GOLIM4: variants seen among roughly 807,000 people sequenced by gnomAD.
GOLIM4 encodes 130 kDa golgi-localized phosphoprotein.
A neutral mutation model predicts 107.4 loss-of-function variants in GOLIM4; 71 were observed. That is an observed-to-expected ratio of 0.66 (90% CI 0.55 to 0.81). GOLIM4 has a LOEUF of 0.81. Ranked by LOEUF, GOLIM4 falls within the 30% of genes least tolerant of loss-of-function variation. The pLI is 0.00. For missense variants in GOLIM4, 830 were observed against 826.1 expected (o/e 1.00, Z -0.06); for synonymous variants, 327 against 294.8 (o/e 1.11, Z -1.12).
intron 1 of GOLIM4, among the ~76,000 whole-genome samples, chr3:168,061,448 T>A (rs1560097543): frequency 6.6e-6 from 1 of 152,214 alleles, no homozygotes; most frequent in Non-Finnish European, 1.5e-5. Context: ...CTAAGACCTA[T>A]AAATCCCACT....
intron 1 of GOLIM4, among the ~76,000 whole-genome samples, chr3:168,054,391 C>T (rs777778832): frequency 3.9e-5 from 6 of 152,136 alleles, no homozygotes; most frequent in Non-Finnish European, 8.8e-5. Context: ...TTCCCCTCAG[C>T]CCCTCCTACT....
chr3:168,048,060 T>C (rs926398602), intron 2 of GOLIM4, among the ~76,000 whole-genome samples: 1 of 151,950 alleles, frequency 6.6e-6, no homozygotes. Context: ...AACCAATATA[T>C]GAGCTATCAC....
intron 1 of GOLIM4, among the ~76,000 whole-genome samples, chr3:168,087,359 C>G (rs1356739766): frequency 6.6e-6 from 1 of 152,098 alleles, no homozygotes; most frequent in Non-Finnish European, 1.5e-5. Flanking sequence ...TTTGGAAAAA[C>G]AGAGAAGCAA....
intron 7 of GOLIM4, among the ~76,000 whole-genome samples, chr3:168,039,581 T>C (rs1718862904): frequency 4.6e-5 from 7 of 152,142 alleles, no homozygotes; most frequent in Admixed American, 4.6e-4. Context: ...TTTTTTCTAT[T>C]ATAAAACCCT....
intron 14 of GOLIM4, among the ~76,000 whole-genome samples, chr3:168,022,953 C>T (rs1048043284): frequency 1.3e-5 from 2 of 152,206 alleles, no homozygotes; most frequent in African/African-American, 4.8e-5. Context: ...TCAGCCAGGG[C>T]AACCTCCTCT....
At chr3:168,027,413 A>T (rs1187206014) in intron 12 of GOLIM4, among the ~76,000 whole-genome samples, 1 of 151,778 alleles carries the variant, frequency 6.6e-6, no homozygotes, top group Non-Finnish European at 1.5e-5. Context: ...CAGAGTTACT[A>T]CATATTTCAG....
In GOLIM4 at chr3:168,009,168, T is replaced by C. The variant is rs1716840819; in HGVS notation, c.*1101A>G. ...TTTTCTTATTTTAAGGAATCTATTA[T>C]ATTCACAATGATTAAAATGCCTTAC... On this transcript the variant is annotated 3_prime_UTR_variant, in exon 16 of 16. Coordinates refer to ENST00000470487, the MANE Select transcript of GOLIM4 (RefSeq NM_014498.5). 2 of 152,118 alleles carry C rather than the reference T, an allele frequency of 1.3e-5. No homozygotes were observed. Among genetic ancestry groups the C allele is most frequent in the African/African-American group, 4.8e-5 (2 of 41,560 alleles). The allele number at this position is 152,118 out of a possible 1,614,324, so 9.4% of individuals were successfully genotyped here.
rs1204579949 is a variant in GOLIM4 at position 168,032,520 on chromosome 3, C to T, written c.1176G>A (p.Glu392=). 1 of 1,612,134 alleles carries T rather than the reference C, an allele frequency of 6.2e-7. No homozygotes were observed. Among genetic ancestry groups the T allele is most frequent in the Non-Finnish European group, 8.5e-7 (1 of 1,178,418 alleles). The change falls in exon 9 of 16, where the codon GAG becomes GAA. Residue 392 remains glutamate (E), a splice_region_variant and synonymous_variant. Coordinates refer to ENST00000470487, the MANE Select transcript of GOLIM4 (RefSeq NM_014498.5). The stretch of plus-strand genomic sequence containing the variant: ...ATACCAGAAGCGGGTGACTTCATAC[C>T]TCAGCACGCGCGTGCCCTTCCAGGA... ...ANLLEGHARA[E]VYPSAKPMIK...
In GOLIM4 at chr3:168,010,548, C is replaced by T. The variant is rs544359193; in HGVS notation, c.1942-130G>A. 26 of 759,996 alleles carry T rather than the reference C, an allele frequency of 3.4e-5. No individual in the cohort carries two copies. In the Admixed American group the frequency reaches 5.4e-4, roughly 16 times the overall value. The allele number at this position is 759,996 out of a possible 1,614,324, so 47.1% of individuals were successfully genotyped here. On this transcript the variant is annotated intron_variant, in intron 15 of 15. Transcript: ENST00000470487. The stretch of plus-strand genomic sequence containing the variant: ...AAAAGGAAGAAAAATGATATGTAAG[C>T]AACAGTGCTGCTGTCTCTCCTACTT...
chr3:168,016,659 T>C (rs1227598359), intron 14 of GOLIM4, among the ~76,000 whole-genome samples: 1 of 133,666 alleles, frequency 7.5e-6, no homozygotes, highest in Admixed American at 7.0e-5. Flanking sequence ...CCAACAATGA[T>C]AGACTGGATT....
chr3:168,024,485 C>A (rs1168659240), intron 14 of GOLIM4, 41 bp downstream of exon 14: 2 of 1,325,600 alleles, frequency 1.5e-6, no homozygotes, highest in East Asian at 2.3e-5. Context: ...GTGTGTGTGA[C>A]AGACCAATCT....
intron 1 of GOLIM4, among the ~76,000 whole-genome samples, chr3:168,088,327 AG>A (rs1463735997): frequency 6.6e-6 from 1 of 152,178 alleles, no homozygotes; most frequent in Non-Finnish European, 1.5e-5. Context: ...GATGTAGTAA[AG>A]GCTGGGCAAA....
Position 168,010,320 on chromosome 3 carries a change from T to C in GOLIM4, c.2040A>G (p.Glu680=). The C allele has an allele frequency of 6.2e-7, 1 of 1,613,984 alleles. No homozygotes were observed. Among genetic ancestry groups the C allele is most frequent in the Non-Finnish European group, 8.5e-7 (1 of 1,179,920 alleles). Residue 680 remains glutamate, a synonymous_variant, in exon 16 of 16, where the codon GAA becomes GAG. Transcript: ENST00000470487. The part of the protein sequence containing the change: ...EEHYEEEEEE[E]EDGAAVAEKS... ...TCTCAGCAACTGCAGCCCCGTCTTC[T>C]TCCTCCTCTTCTTCCTCCTCGTAGT... is the stretch of plus-strand genomic sequence containing the variant.
At chr3:168,023,109 A>G (rs1360885652) in intron 14 of GOLIM4, among the ~76,000 whole-genome samples, 1 of 152,208 alleles carries the variant, frequency 6.6e-6, no homozygotes, top group Non-Finnish European at 1.5e-5. Flanking sequence ...TTAAAATTTT[A>G]TGTTTAATCT....
Position 168,041,374 on chromosome 3 carries a change from C to A in GOLIM4, c.600+18G>T. The stretch of plus-strand genomic sequence containing the variant: ...AGCAGGCAAACACTAAATAGTGAAA[C>A]GTTTGGTTTTCTTTTACCTTGACAT... On this transcript the variant is annotated intron_variant, in intron 6 of 15. Coordinates refer to ENST00000470487, the MANE Select transcript of GOLIM4 (RefSeq NM_014498.5). The A allele has an allele frequency of 6.9e-7, 1 of 1,445,708 alleles. No individual in the cohort carries two copies. The highest frequency in any genetic ancestry group is 9.7e-7 in the Non-Finnish European group (1 of 1,029,472). 89.6% of individuals were successfully genotyped at this position (1,445,708 alleles called of 1,614,324 possible).
chr3:168,065,896 T>TA (rs1285145840), intron 1 of GOLIM4, among the ~76,000 whole-genome samples: 1 of 152,230 alleles, frequency 6.6e-6, no homozygotes. Context: ...TCATCATTAG[T>TA]AAAATAAAAG....
Position 168,036,877 on chromosome 3 carries a change from A to G in GOLIM4, c.802T>C (p.Tyr268His), listed in dbSNP as rs1478868697. ...VTQVAHSPQG[Y>H]NTAREKPTRE... ...GTTGGCTTCTCCCTTGCTGTGTTGTAACCTTGTGGAGAATGTGCCACCTGG... is the reference window on the plus strand; with the variant it reads ...GTTGGCTTCTCCCTTGCTGTGTTGTGACCTTGTGGAGAATGTGCCACCTGG... Residue 268 changes from tyrosine (Y) to histidine (H), a missense_variant, in exon 8 of 16, where the codon TAC becomes CAC. Tyr to His is a moderately conservative substitution (Grantham distance 83). Coordinates refer to ENST00000470487, the MANE Select transcript of GOLIM4 (RefSeq NM_014498.5). The G allele has an allele frequency of 1.2e-6, 2 of 1,613,950 alleles. No homozygotes were observed. Among genetic ancestry groups the G allele is most frequent in the Non-Finnish European group, 1.7e-6 (2 of 1,179,912 alleles).
intron 8 of GOLIM4, among the ~76,000 whole-genome samples, chr3:168,033,441 TA>T (rs10711622): frequency 0.56 from 82,523 of 148,340 alleles, 24,545 homozygotes; most frequent in African/African-American, 0.75. Context: ...CCGTCTCTAC[TA>T]AAAAAACACA....
chr3:168,030,835 T>G (rs1718290498), intron 9 of GOLIM4, among the ~76,000 whole-genome samples: 1 of 152,280 alleles, frequency 6.6e-6, no homozygotes. Context: ...AGAACCACCA[T>G]ATGATCCAGC....
Sources: gnomAD v4.1 joint callset for allele counts (sites outside exome capture counted in the v4.1 genomes callset) on GRCh38, gnomAD v4.1.1 for gene constraint, MANE v1.5 for transcripts, NCBI Gene and HGNC (gene_info 2026-07-23, HGNC 2026-07-21) for gene names.